The following COL6A1 variants were observed in gnomAD, a reference collection of about 807,000 sequenced individuals.
COL6A1 encodes collagen alpha-1(VI) chain.
COL6A1 carries 80 observed loss-of-function variants against 145.6 expected under a neutral mutation model. That is an observed-to-expected ratio of 0.55 (90% CI 0.46 to 0.66). COL6A1 has a LOEUF of 0.66. COL6A1 is among the 30% of genes least tolerant of loss of function. The pLI is 0.00. For missense variants in COL6A1, 1,364 were observed against 1,473.8 expected, an observed-to-expected ratio of 0.93 and a Z score of 1.22; for synonymous variants, 638 against 622.8, an observed-to-expected ratio of 1.02 and a Z score of -0.36.
Position 45,983,352 on chromosome 21 carries a change from G to C in COL6A1, c.227+589G>C, listed in dbSNP as rs530965444. Among the ~76,000 whole-genome samples, 34 of 105,206 alleles carry C rather than the reference G, an allele frequency of 3.2e-4. No individual in the cohort carries two copies. The Middle Eastern group carries it at 0.012, about 38-fold the overall frequency. 69.0% of individuals were successfully genotyped at this position (105,206 alleles called of 152,430 possible). A position where few individuals can be genotyped will look rare whatever the true frequency, so the allele number is the denominator to read the frequency against. ...CTGTGCGTGTGGCTGAGGACAGACC[G>C]GGGGGAGAGGGGAGTCGGTCCTGTG... is the stretch of plus-strand genomic sequence containing the variant. On this transcript the variant is annotated intron_variant, in intron 2 of 34. Transcript: ENST00000361866.
chr21:45,986,617 G>T lies in COL6A1; in HGVS notation c.520G>T (p.Asp174Tyr), dbSNP rs1276672073. The T allele has an allele frequency of 2.1e-5, 33 of 1,556,366 alleles. No homozygotes were observed. The highest frequency in any genetic ancestry group is 2.9e-5 in the Non-Finnish European group (33 of 1,150,242). The change falls in exon 4 of 35, where the codon GAT (aspartate) becomes TAT (tyrosine). Residue 174 changes from aspartate to tyrosine, a missense_variant. Physicochemically the swap from Asp to Tyr is radical, Grantham distance 160. This residue lies in a region of COL6A1 where 414 missense variants were observed against 437.6 expected (regional missense o/e 0.95). Transcript: ENST00000361866. ...CAAGGAACCCTGTGGGGGGCTGGAGGATGCTGTGAACGAGGCCAAGCACCT... is the reference window on the plus strand; with the variant it reads ...CAAGGAACCCTGTGGGGGGCTGGAGTATGCTGTGAACGAGGCCAAGCACCT... ...GYKEPCGGLE[D>Y]AVNEAKHLGV...
intron 33 of COL6A1, 48 bp downstream of exon 33, chr21:46,002,758 CG>C: frequency 6.6e-7 from 1 of 1,516,510 alleles, no homozygotes. Flanking sequence ...TAGGTGCGCG[CG>C]GGGCCGCCCG....
intron 9 of COL6A1, 43 bp downstream of exon 9, chr21:45,989,180 G>A: frequency 1.3e-6 from 2 of 1,567,984 alleles, no homozygotes; most frequent in Middle Eastern, 1.7e-4. Context: ...GAAGCTGGAG[G>A]CGGGGAACGA....
At chr21:45,997,178 C>T (rs961652566) in intron 20 of COL6A1, among the ~76,000 whole-genome samples, 2 of 129,362 alleles carry the variant, frequency 1.5e-5, no homozygotes, top group African/African-American at 2.7e-5. Context: ...TTCACCCCTC[C>T]GTGGGGGCCT....
chr21:45,999,104 G>A (rs1569518794), intron 25 of COL6A1, 49 bp from the exon 26 acceptor site: 4 of 1,556,330 alleles, frequency 2.6e-6, no homozygotes, highest in Non-Finnish European at 3.5e-6. Flanking sequence ...CCAGCGCGCA[G>A]ATGCCCGGGT....
intron 14 of COL6A1, 45 bp from the exon 15 acceptor site, chr21:45,990,934 G>A (rs368482366): frequency 2.2e-5 from 35 of 1,608,838 alleles, no homozygotes; most frequent in East Asian, 1.1e-4. Flanking sequence ...GCCAGAGGCC[G>A]CGGTGGCCTC....
intron 33 of COL6A1, 62 bp from the exon 34 acceptor site, chr21:46,003,058 T>A (rs2077858042): frequency 6.2e-7 from 1 of 1,612,596 alleles, no homozygotes; most frequent in African/African-American, 1.3e-5. Flanking sequence ...TCCTGTGACA[T>A]CTCCTTGCGG....
rs2123490353 is a variant in COL6A1 at position 46,002,226 on chromosome 21, A to G, written c.2075A>G (p.Lys692Arg). Residue 692 changes from lysine (K) to arginine (R), a missense_variant, in exon 32 of 35, where the codon AAG becomes AGG. Physicochemically the swap from Lys to Arg is conservative, Grantham distance 26. Transcript: ENST00000361866. ...RNVQELKEAI[K>R]SLQWMAGGTF... is the part of the protein sequence containing the mutation. ...TGCCCTTTGCTATGCAGAGCCATCAAGAGCCTGCAGTGGATGGCGGGCGGC... is the reference window on the plus strand; with the variant it reads ...TGCCCTTTGCTATGCAGAGCCATCAGGAGCCTGCAGTGGATGGCGGGCGGC... 1.9e-6 allele frequency: 3 copies of G among 1,602,114 alleles called. No homozygotes were observed. Among genetic ancestry groups the G allele is most frequent in the Non-Finnish European group, 2.5e-6 (3 of 1,177,164 alleles).
intron 4 of COL6A1, 83 bp from the exon 5 acceptor site, chr21:45,986,861 G>A: frequency 6.5e-7 from 1 of 1,531,980 alleles, no homozygotes; most frequent in Non-Finnish European, 8.7e-7. Flanking sequence ...CCCCAGCCCA[G>A]CCTCCCCTCT....
At chr21:46,001,604 G>C (rs549485260) in intron 30 of COL6A1, among the ~76,000 whole-genome samples, 8 of 152,360 alleles carry the variant, frequency 5.3e-5, no homozygotes, top group African/African-American at 1.7e-4. Context: ...AGATGAGGGA[G>C]GGTCTCCCCC....
Position 46,003,595 on chromosome 21 carries a change from C to T in COL6A1, c.2669C>T (p.Ser890Leu), listed in dbSNP as rs13051496. 318,698 of 1,612,760 alleles carry T rather than the reference C, an allele frequency of 0.2. 34,145 individuals carry two copies. The highest frequency in any genetic ancestry group is 0.22 in the Non-Finnish European group (264,183 of 1,179,808). The change falls in exon 35 of 35, where the codon TCG becomes TTG. Residue 890 changes from serine (S) to leucine (L), a missense_variant. By Grantham distance (145) the Ser-to-Leu change is moderately radical. Around this residue, in one of 3 missense-constraint regions of COL6A1, gnomAD observed 938 missense variants for 1,003.8 expected, o/e 0.93. Transcript: ENST00000361866. Reference protein sequence around the residue: ...GTGQQRPERASLQFLQNYTAL... With the variant: ...GTGQQRPERALLQFLQNYTAL... ...GGCCAGCAGCGCCCAGAGCGGGCGTCGCTGCAGTTCCTGCAGAACTACACG... is the reference window on the plus strand; with the variant it reads ...GGCCAGCAGCGCCCAGAGCGGGCGTTGCTGCAGTTCCTGCAGAACTACACG...
At position 45,986,987 on chromosome 21, in the gene COL6A1, G is replaced by C. The variant is rs943925031; in HGVS notation, c.632G>C (p.Arg211Pro). The C allele has an allele frequency of 1.9e-5, 29 of 1,551,778 alleles. No individual in the cohort carries two copies. Among genetic ancestry groups the C allele is most frequent in the Non-Finnish European group, 2.5e-5 (29 of 1,148,854 alleles). Reference protein sequence around the residue: ...SIIATDHTYRRNFTAADWGQS... With the variant: ...SIIATDHTYRPNFTAADWGQS... ...ATCGCCACGGACCACACGTACCGGC[G>C]CAACTTCACGGCGGCTGACTGGGGC... is the stretch of plus-strand genomic sequence containing the variant. The change falls in exon 5 of 35, where the codon CGC (arginine) becomes CCC (proline). Residue 211 changes from arginine to proline, a missense_variant. Arg to Pro is a moderately radical substitution (Grantham distance 103, BLOSUM62 -2). Around this residue, in one of 3 missense-constraint regions of COL6A1, gnomAD observed 414 missense variants for 437.6 expected, o/e 0.95. Transcript: ENST00000361866.
At chr21:45,998,017 C>T (rs2077816148) in intron 22 of COL6A1, 104 bp from the exon 23 acceptor site, 1 of 1,436,094 alleles carries the variant, frequency 7.0e-7, no homozygotes. Flanking sequence ...GGCTTCTGGG[C>T]TGACGGAGGG....
chr21:45,995,935 CT>C (rs35087011), intron 20 of COL6A1, among the ~76,000 whole-genome samples: 63,156 of 152,108 alleles, frequency 0.42, 14,014 homozygotes, highest in African/African-American at 0.56. Flanking sequence ...GCCTTCCGGG[CT>C]TTCCCTGCTC....
chr21:45,981,902 G>T lies in COL6A1; in HGVS notation c.52G>T (p.Ala18Ser). 1 of 1,606,612 alleles carries T rather than the reference G, an allele frequency of 6.2e-7. No homozygotes were observed. The highest frequency in any genetic ancestry group is 8.5e-7 in the Non-Finnish European group (1 of 1,177,962). ...CCTGCTGCTGCAGGCCTGCTGGACA[G>T]CCGCGCAGGATGAGCCGGAGACCCC... ...LPLLLQACWT[A>S]AQDEPETPRA... Residue 18 changes from alanine (A) to serine (S), a missense_variant, in exon 1 of 35, where the codon GCC becomes TCC. Physicochemically the swap from Ala to Ser is moderately conservative, Grantham distance 99 (BLOSUM62 1). Around this residue, in one of 3 missense-constraint regions of COL6A1, gnomAD observed 414 missense variants for 437.6 expected, o/e 0.95. Coordinates refer to ENST00000361866, the MANE Select transcript of COL6A1 (RefSeq NM_001848.3).
chr21:45,999,629 G>A (rs781559579), intron 26 of COL6A1, 28 bp from the exon 27 acceptor site: 2 of 1,612,868 alleles, frequency 1.2e-6, no homozygotes, highest in Non-Finnish European at 1.7e-6. Context: ...CTCACCCTCA[G>A]AGCTCCTCTA....
rs374574032 is a variant in COL6A1, at chr21:46,003,146, C to A, written c.2461C>A (p.Pro821Thr). 1 of 1,614,082 alleles carries A rather than the reference C, an allele frequency of 6.2e-7. No individual in the cohort carries two copies. Among genetic ancestry groups the A allele is most frequent in the Non-Finnish European group, 8.5e-7 (1 of 1,179,982 alleles). Residue 821 changes from proline (P) to threonine (T), a missense_variant, in exon 34 of 35, where the codon CCC becomes ACC. Pro to Thr is a conservative substitution (Grantham distance 38). Around this residue, in one of 3 missense-constraint regions of COL6A1, gnomAD observed 938 missense variants for 1,003.8 expected, o/e 0.93. Transcript: ENST00000361866. Reference sequence around the variant, plus strand: ...CAAGAAGTGTCCAGATTACACCTGCCCCAGTGAGTACCTCGGCGGCCGGGA... The same window carrying A: ...CAAGAAGTGTCCAGATTACACCTGCACCAGTGAGTACCTCGGCGGCCGGGA... ...IDKKCPDYTCPITFSSPADIT... is the reference protein window; with the variant it reads ...IDKKCPDYTCTITFSSPADIT...
intron 3 of COL6A1, 150 bp downstream of exon 3, chr21:45,984,619 A>G: frequency 1.4e-6 from 1 of 713,538 alleles, no homozygotes. Flanking sequence ...CTTTGTGGGC[A>G]GGAAAGAGAC....
chr21:46,002,706 C>A lies in COL6A1; in HGVS notation c.2430C>A (p.Cys810Ter). 1 of 1,612,552 alleles carries A rather than the reference C, an allele frequency of 6.2e-7. No individual in the cohort carries two copies. The highest frequency in any genetic ancestry group is 8.5e-7 in the Non-Finnish European group (1 of 1,179,462). ...TGAAGAATGTCACCGCCCAGATCTG[C>A]ATAGGTGCGCATGGGGCCACCCGGG... ...AFLKNVTAQI[C>*]IDKKCPDYTC... Residue 810 changes from cysteine to a stop codon, truncating the protein, a stop_gained, in exon 33 of 35, where the codon TGC (cysteine) becomes TGA (stop). Transcript: ENST00000361866. LOFTEE classifies it high-confidence loss of function.
Sources: gnomAD v4.1 joint callset for allele counts (sites outside exome capture counted in the v4.1 genomes callset) on GRCh38, gnomAD v4.1.1 for gene constraint, gnomAD v4.1.1 regional missense constraint, MANE v1.5 for transcripts, NCBI Gene and HGNC (gene_info 2026-07-23, HGNC 2026-07-21) for gene names.